Variants in COL24A1 observed in about 807,000 individuals in gnomAD.
COL24A1 encodes collagen type XXIV alpha 1 chain, also known as collagen alpha-1(XXIV) chain.
Under a neutral mutation model 253.9 loss-of-function variants are expected in COL24A1, and 224 were observed. That is an observed-to-expected ratio of 0.88 (90% confidence interval 0.79 to 0.99). The LOEUF is 0.99. COL24A1 is among the 50% of genes least tolerant of loss of function. The pLI is 0.00. For missense variants in COL24A1, 2,131 were observed against 2,068.5 expected, an observed-to-expected ratio of 1.03 and a Z score of -0.59; for synonymous variants, 685 against 673.7, an observed-to-expected ratio of 1.02 and a Z score of -0.26.
At chr1:85,779,424 T>C (rs1668928066) in intron 52 of COL24A1, among the ~76,000 whole-genome samples, 1 of 152,160 alleles carries the variant, frequency 6.6e-6, no homozygotes, top group Non-Finnish European at 1.5e-5. Flanking sequence ...TGGATGTAGT[T>C]CTTGAGAAGT....
chr1:85,858,046 A>G (rs1678656205), intron 37 of COL24A1, among the ~76,000 whole-genome samples: 2 of 152,172 alleles, frequency 1.3e-5, no homozygotes, highest in African/African-American at 2.4e-5. Context: ...TCAGTTAGCT[A>G]TGCCTCTAAA....
intron 8 of COL24A1, among the ~76,000 whole-genome samples, chr1:86,063,387 A>T (rs573579913): frequency 0.014 from 1,778 of 129,118 alleles, 14 homozygotes; most frequent in Non-Finnish European, 0.023. Context: ...GTGTGTTTGT[A>T]TGTGTATGGA....
At chr1:85,962,980 T>G (rs1329103553) in intron 23 of COL24A1, among the ~76,000 whole-genome samples, 1 of 152,110 alleles carries the variant, frequency 6.6e-6, no homozygotes, top group Non-Finnish European at 1.5e-5. Context: ...AGAAAACATC[T>G]CATTAATAAT....
chr1:85,787,843 C>T (rs891339314), intron 47 of COL24A1, among the ~76,000 whole-genome samples: 6 of 152,130 alleles, frequency 3.9e-5, no homozygotes, highest in African/African-American at 1.4e-4. Context: ...TTTACATTCC[C>T]ATCAACAGTG....
intron 2 of COL24A1, among the ~76,000 whole-genome samples, chr1:86,132,492 G>GT (rs1271721411): frequency 6.6e-6 from 1 of 152,044 alleles, no homozygotes; most frequent in African/African-American, 2.4e-5. Flanking sequence ...GGTTTTTATG[G>GT]TTTTAGGTCT....
At chr1:86,111,470 A>T (rs533119639) in intron 5 of COL24A1, among the ~76,000 whole-genome samples, 85 of 152,308 alleles carry the variant, frequency 5.6e-4, no homozygotes, top group African/African-American at 2.0e-3. Flanking sequence ...TGCACCAATC[A>T]GCACTCTGTG....
chr1:85,905,152 C>A (rs188687379), intron 28 of COL24A1, among the ~76,000 whole-genome samples: 1 of 152,118 alleles, frequency 6.6e-6, no homozygotes, highest in Admixed American at 6.6e-5. Context: ...TGCTATGACA[C>A]GTATTTTCCA....
At chr1:85,827,617 A>G (rs1434628999) in intron 43 of COL24A1, among the ~76,000 whole-genome samples, 2 of 152,086 alleles carry the variant, frequency 1.3e-5, no homozygotes, top group Non-Finnish European at 2.9e-5. Context: ...TTATTGATCT[A>G]TTCAGAGATT....
chr1:85,848,477 T>G (rs1408174992), intron 38 of COL24A1, among the ~76,000 whole-genome samples: 1 of 152,144 alleles, frequency 6.6e-6, no homozygotes, highest in Non-Finnish European at 1.5e-5. Context: ...GTCCAGTTAA[T>G]TTTTGTAGTT....
At chr1:85,871,817 T>C (rs974791899) in intron 35 of COL24A1, among the ~76,000 whole-genome samples, 3 of 152,190 alleles carry the variant, frequency 2.0e-5, no homozygotes, top group Non-Finnish European at 2.9e-5. Context: ...TCACCACTCC[T>C]GTTCAACATG....
chr1:86,070,932 A>G (rs1464386952), intron 7 of COL24A1, among the ~76,000 whole-genome samples: 1 of 152,188 alleles, frequency 6.6e-6, no homozygotes, highest in African/African-American at 2.4e-5. Context: ...ACACAGAAAA[A>G]CACAGGCTAA....
intron 37 of COL24A1, among the ~76,000 whole-genome samples, chr1:85,861,824 C>T (rs944731462): frequency 6.6e-6 from 1 of 152,182 alleles, no homozygotes; most frequent in Non-Finnish European, 1.5e-5. Context: ...CTACTTCCTA[C>T]CTATTTCTTC....
chr1:85,798,985 T>C (rs1026217149), intron 47 of COL24A1, among the ~76,000 whole-genome samples: 6 of 152,260 alleles, frequency 3.9e-5, no homozygotes, highest in South Asian at 2.1e-4. Flanking sequence ...ACTGAGGTAC[T>C]ATGCTTGTAC....
chr1:85,799,694 T>A (rs1245604793), intron 47 of COL24A1, among the ~76,000 whole-genome samples: 1 of 152,198 alleles, frequency 6.6e-6, no homozygotes, highest in African/African-American at 2.4e-5. Flanking sequence ...AAATACCAAC[T>A]GCATGTGCAA....
intron 43 of COL24A1, among the ~76,000 whole-genome samples, chr1:85,830,243 G>T (rs1675025837): frequency 6.6e-6 from 1 of 152,110 alleles, no homozygotes; most frequent in South Asian, 2.1e-4. Flanking sequence ...TCGGGGGTCA[G>T]GGGTCAGGGA....
chr1:85,826,507 A>C lies in COL24A1; in HGVS notation c.3682-2769T>G, dbSNP rs558580983. Among the ~76,000 whole-genome samples, 13 of 129,836 alleles carry C rather than the reference A, an allele frequency of 1.0e-4. No homozygotes were observed. The South Asian group carries it at 3.5e-3, about 35-fold the overall frequency. The allele number at this position is 129,836 out of a possible 152,430, so 85.2% of individuals were successfully genotyped here. On this transcript the variant is annotated intron_variant, in intron 43 of 59. Coordinates refer to ENST00000370571, the MANE Select transcript of COL24A1 (RefSeq NM_152890.7). ...GGGGATGGCATTGAATCTGTAAATTACCTTGGGCAGTATGGCCATTTTCAC... is the reference window on the plus strand; with the variant it reads ...GGGGATGGCATTGAATCTGTAAATTCCCTTGGGCAGTATGGCCATTTTCAC...
intron 52 of COL24A1, among the ~76,000 whole-genome samples, chr1:85,777,444 C>A (rs573174014): frequency 6.6e-6 from 1 of 151,986 alleles, no homozygotes; most frequent in African/African-American, 2.4e-5. Flanking sequence ...TTCTATGCAT[C>A]GCACTTAACA....
rs1663359428 is a variant in COL24A1, at chr1:85,730,432, T to C, written c.*114A>G. 5.2e-6 allele frequency: 6 copies of C among 1,143,908 alleles called. No individual in the cohort carries two copies. The East Asian group carries it at 1.5e-4, about 28-fold the overall frequency. The allele number at this position is 1,143,908 out of a possible 1,614,324, so 70.9% of individuals were successfully genotyped here. ...CTGTTCTTCCTGAGATTCTTTAAGA[T>C]TTAGCCAATGCTTTATTACATGCAT... On this transcript the variant is annotated 3_prime_UTR_variant, in exon 60 of 60. Transcript: ENST00000370571.
chr1:85,816,865 T>C lies in COL24A1; in HGVS notation c.3874A>G (p.Ile1292Val), dbSNP rs746139784. Residue 1292 changes from isoleucine (I) to valine (V), a missense_variant, in exon 47 of 60, where the codon ATA becomes GTA. Physicochemically the swap from Ile to Val is conservative, Grantham distance 29. Coordinates refer to ENST00000370571, the MANE Select transcript of COL24A1 (RefSeq NM_152890.7). ...CCATCTGCTCCATGGTATCCTTGTA[T>C]GCCTTTTGGCCCAAGTAGGCCTTGA... is the stretch of plus-strand genomic sequence containing the variant. ...GLQGLLGPKG[I>V]QGYHGADGIS... is the part of the protein sequence containing the mutation. 14 of 1,613,934 alleles carry C rather than the reference T, an allele frequency of 8.7e-6. No homozygotes were observed. In the East Asian group the frequency reaches 2.9e-4, roughly 33 times the overall value.
Sources: gnomAD v4.1 joint callset for allele counts (sites outside exome capture counted in the v4.1 genomes callset) on GRCh38, gnomAD v4.1.1 for gene constraint, MANE v1.5 for transcripts, NCBI Gene and HGNC (gene_info 2026-07-23, HGNC 2026-07-21) for gene names.